The following KAZN variants were observed in gnomAD, a reference collection of about 807,000 sequenced individuals.
KAZN encodes the protein kazrin.
In KAZN, 40 loss-of-function variants were observed where a neutral mutation model predicts 87.4. The observed-to-expected ratio is 0.46, with a 90% CI of 0.36 to 0.60. The LOEUF is 0.60. Among genes scored for constraint, KAZN ranks in the 20% least tolerant of loss-of-function variants. The probability of loss-of-function intolerance (pLI) is 0.00; values close to 1 mark genes in which losing one functional copy is unlikely to be tolerated. For synonymous variants in KAZN, 466 were observed against 458.3 expected, an observed-to-expected ratio of 1.02 and a Z score of -0.22; for missense variants, 898 against 1,073.9, an observed-to-expected ratio of 0.84 and a Z score of 2.29.
intron 2 of KAZN, among the ~76,000 whole-genome samples, chr1:14,570,286 C>CAAGTT (rs112278888): frequency 0.12 from 17,576 of 152,040 alleles, 1,320 homozygotes; most frequent in African/African-American, 0.22. Context: ...AAAATGTTCC[C>CAAGTT]AAGTGTACAA....
At position 14,466,675 on chromosome 1, in the gene KAZN, AG is replaced by A. The variant is rs55707940; in HGVS notation, c.250-132307del. 5.8e-3 allele frequency among the ~76,000 whole-genome samples: 489 copies of A among 84,598 alleles called. 2 individuals are homozygous for A. Among genetic ancestry groups the A allele is most frequent in the Admixed American group, 0.011 (107 of 9,800 alleles). 55.5% of individuals were successfully genotyped at this position (84,598 alleles called of 152,430 possible). On this transcript the variant is annotated intron_variant, in intron 2 of 16. Coordinates refer to the KAZN transcript ENST00000636203. ...AAACTAAATTTAAAAAAAAAAAAAA[AG>A]AAGAAGAAACGGCCAGGCGCGGTGG...
intron 1 of KAZN, among the ~76,000 whole-genome samples, chr1:14,089,803 T>A (rs1218348975): frequency 6.6e-6 from 1 of 152,182 alleles, no homozygotes; most frequent in Admixed American, 6.5e-5. Context: ...TGTATCAGCA[T>A]AATGAGAAAT....
intron 2 of KAZN, among the ~76,000 whole-genome samples, chr1:14,568,852 G>A (rs562765104): frequency 5.3e-5 from 8 of 152,338 alleles, no homozygotes; most frequent in African/African-American, 1.4e-4. Flanking sequence ...CGACGGATCC[G>A]ATGTGTCTCC....
intron 1 of KAZN, among the ~76,000 whole-genome samples, chr1:14,041,846 T>G (rs112781440): frequency 0.062 from 9,473 of 152,284 alleles, 987 homozygotes; most frequent in African/African-American, 0.22. Context: ...CAATGGATAG[T>G]TTGGCTGGGT....
At chr1:14,801,664 A>C (rs1228074534) in intron 1 of KAZN, among the ~76,000 whole-genome samples, 1 of 150,952 alleles carries the variant, frequency 6.6e-6, no homozygotes, top group Non-Finnish European at 1.5e-5. Context: ...GTCTCTCCTA[A>C]AGTTTTTTTT....
intron 1 of KAZN, among the ~76,000 whole-genome samples, chr1:14,719,919 A>G (rs1455566732): frequency 1.3e-5 from 2 of 152,212 alleles, no homozygotes; most frequent in East Asian, 1.9e-4. Context: ...GGCCAGTGCA[A>G]AGGCCCTACA....
intron 2 of KAZN, among the ~76,000 whole-genome samples, chr1:14,534,570 A>T (rs1672381386): frequency 6.6e-6 from 1 of 152,040 alleles, no homozygotes. Context: ...ACTTGAACCC[A>T]GGAGGCGGAG....
chr1:14,741,669 T>G (rs1186396672), intron 1 of KAZN, among the ~76,000 whole-genome samples: 3 of 152,218 alleles, frequency 2.0e-5, no homozygotes, highest in Non-Finnish European at 4.4e-5. Flanking sequence ...GAAGGGGCAC[T>G]TCCCCCCGGG....
intron 2 of KAZN, among the ~76,000 whole-genome samples, chr1:14,275,444 C>CTCTGTG (rs1652271665): frequency 1.5e-5 from 2 of 136,880 alleles, no homozygotes; most frequent in South Asian, 2.6e-4. Flanking sequence ...GTGGTAAATA[C>CTCTGTG]TGTGTGTGTG....
At chr1:14,743,151 T>A (rs1454419496) in intron 1 of KAZN, among the ~76,000 whole-genome samples, 1 of 151,976 alleles carries the variant, frequency 6.6e-6, no homozygotes. Flanking sequence ...CCATAGTAGG[T>A]TCAGGTGTGG....
intron 1 of KAZN, among the ~76,000 whole-genome samples, chr1:13,934,164 C>G (rs1285682357): frequency 6.6e-6 from 1 of 152,168 alleles, no homozygotes; most frequent in Non-Finnish European, 1.5e-5. Context: ...GAATGATCAC[C>G]AGACTCACAG....
At chr1:14,393,202 A>C (rs1442777366) in intron 2 of KAZN, among the ~76,000 whole-genome samples, 1 of 152,228 alleles carries the variant, frequency 6.6e-6, no homozygotes, top group Non-Finnish European at 1.5e-5. Flanking sequence ...CAGGGCTCCA[A>C]ACAGGCACTT....
intron 1 of KAZN, among the ~76,000 whole-genome samples, chr1:14,839,188 A>G (rs1159635381): frequency 6.6e-6 from 1 of 152,100 alleles, no homozygotes; most frequent in Non-Finnish European, 1.5e-5. Flanking sequence ...TGTTCCCATG[A>G]GAAGGCTGTG....
At chr1:14,295,197 A>G (rs1461024900) in intron 2 of KAZN, among the ~76,000 whole-genome samples, 1 of 152,200 alleles carries the variant, frequency 6.6e-6, no homozygotes, top group African/African-American at 2.4e-5. Flanking sequence ...TGTAACCACA[A>G]AGTCATGGCT....
intron 1 of KAZN, among the ~76,000 whole-genome samples, chr1:13,913,894 C>G (rs1639743352): frequency 6.6e-6 from 1 of 152,164 alleles, no homozygotes; most frequent in Non-Finnish European, 1.5e-5. Context: ...AATCATTAAA[C>G]TAGTGCAGTG....
At chr1:14,888,979 A>G (rs1435409059) in intron 1 of KAZN, among the ~76,000 whole-genome samples, 2 of 152,214 alleles carry the variant, frequency 1.3e-5, no homozygotes, top group Admixed American at 6.5e-5. Flanking sequence ...GGCCACACAT[A>G]AAATATACTA....
intron 2 of KAZN, among the ~76,000 whole-genome samples, chr1:14,188,236 T>TGTGTGA (rs1406316215): frequency 4.3e-5 from 6 of 139,314 alleles, no homozygotes; most frequent in African/African-American, 1.0e-4. Context: ...TGTGTGTGTG[T>TGTGTGA]GAAAGAGAAG....
intron 1 of KAZN, among the ~76,000 whole-genome samples, chr1:14,717,801 A>G (rs936572816): frequency 3.3e-5 from 5 of 152,190 alleles, no homozygotes; most frequent in Non-Finnish European, 5.9e-5. Flanking sequence ...CCTGGACCTC[A>G]CAGCTGGGCT....
intron 1 of KAZN, among the ~76,000 whole-genome samples, chr1:14,866,374 G>T (rs149606181): frequency 6.6e-6 from 1 of 152,198 alleles, no homozygotes; most frequent in Non-Finnish European, 1.5e-5. Flanking sequence ...TCCTGGTCAA[G>T]GTCTATGCCC....
Sources: gnomAD v4.1 joint callset for allele counts (sites outside exome capture counted in the v4.1 genomes callset) on GRCh38, gnomAD v4.1.1 for gene constraint, MANE v1.5 for transcripts, NCBI Gene and HGNC (gene_info 2026-07-23, HGNC 2026-07-21) for gene names.